AGPAT4: variants seen among roughly 807,000 people sequenced by gnomAD.
AGPAT4 encodes 1-acylglycerol-3-phosphate O-acyltransferase 4.
AGPAT4 carries 15 observed loss-of-function variants against 48.0 expected under a neutral mutation model. That is an observed-to-expected ratio of 0.31 (90% CI 0.21 to 0.48). The LOEUF (loss-of-function observed/expected upper bound fraction) is 0.48. Ranked by LOEUF, AGPAT4 falls within the 20% of genes least tolerant of loss-of-function variation. AGPAT4 has a pLI of 0.99. For missense variants in AGPAT4, 314 were observed against 482.5 expected (o/e 0.65, Z 3.27); for synonymous variants, 178 against 198.7 (o/e 0.90, Z 0.88).
rs1199723279 is a variant in AGPAT4, at chr6:161,272,839, C to G, written c.-90+1099G>C. On this transcript the variant is annotated intron_variant, in intron 1 of 8. Coordinates refer to ENST00000320285, the MANE Select transcript of AGPAT4 (RefSeq NM_020133.3). The surrounding 1 kb of genome is among the most constrained non-coding windows in gnomAD (Gnocchi z 4.2). Reference sequence around the variant, plus strand: ...CACAGTTTTGAAAAAGTCTAGCAACCCTCACCTTGAAGAGAGTGAATAGCG... The same window carrying G: ...CACAGTTTTGAAAAAGTCTAGCAACGCTCACCTTGAAGAGAGTGAATAGCG... Among the ~76,000 whole-genome samples the G allele has an allele frequency of 6.6e-6, 1 of 152,108 alleles. No homozygotes were observed. The highest frequency in any genetic ancestry group is 1.5e-5 in the Non-Finnish European group (1 of 68,038).
At chr6:161,273,160 T>C (rs1398546307) in intron 1 of AGPAT4, among the ~76,000 whole-genome samples, 1 of 152,208 alleles carries the variant, frequency 6.6e-6, no homozygotes, top group African/African-American at 2.4e-5. Context: ...TCTTAAGAAG[T>C]GTTTAGGTTT....
rs1168953497 is a variant in AGPAT4, at chr6:161,131,964, G to C, written c.*4576C>G. ...CTGGAAACACTCAACCTAAGCCCTG[G>C]ATGCAGGAGGCAGGGATGCTGAGGA... On this transcript the variant is annotated 3_prime_UTR_variant, in exon 9 of 9. Transcript: ENST00000320285. 6.6e-6 allele frequency: 1 copy of C among 152,386 alleles called. No homozygotes were observed. Among genetic ancestry groups the C allele is most frequent in the Non-Finnish European group, 1.5e-5 (1 of 68,110 alleles). The allele number at this position is 152,386 out of a possible 1,614,324, so 9.4% of individuals were successfully genotyped here. A position where few individuals can be genotyped will look rare whatever the true frequency, so the allele number is the denominator to read the frequency against.
intron 1 of AGPAT4, among the ~76,000 whole-genome samples, chr6:161,247,608 T>G (rs918415682): frequency 6.6e-6 from 1 of 152,158 alleles, no homozygotes; most frequent in African/African-American, 2.4e-5. Context: ...TCATACTGAA[T>G]GGGCAAAAGC....
intron 2 of AGPAT4, among the ~76,000 whole-genome samples, chr6:161,167,561 T>C (rs1352894321): frequency 6.6e-6 from 1 of 152,152 alleles, no homozygotes; most frequent in Non-Finnish European, 1.5e-5. Context: ...TAGTGAAGCA[T>C]GCATGCAGCA....
intron 2 of AGPAT4, among the ~76,000 whole-genome samples, chr6:161,227,053 C>G (rs996634419): frequency 4.6e-5 from 7 of 152,178 alleles, no homozygotes; most frequent in African/African-American, 1.4e-4. Flanking sequence ...TCAGGCCTCA[C>G]CTAGCAGGTC....
intron 2 of AGPAT4, among the ~76,000 whole-genome samples, chr6:161,227,893 T>TA (rs11393542): frequency 1 from 152,266 of 152,266 alleles, 76,133 homozygotes; most frequent in Non-Finnish European, 1. Context: ...TGAAAGGAAG[T>TA]AACAACTTCC....
chr6:161,186,871 A>T (rs1283086839), intron 2 of AGPAT4, among the ~76,000 whole-genome samples: 2 of 152,122 alleles, frequency 1.3e-5, no homozygotes, highest in Non-Finnish European at 2.9e-5. Flanking sequence ...TTTCTAAAGG[A>T]TGTCCAGCCT....
chr6:161,169,748 A>T lies in AGPAT4; in HGVS notation c.179-3331T>A, dbSNP rs1402271444. On this transcript the variant is annotated intron_variant, in intron 2 of 8. Coordinates refer to ENST00000320285, the MANE Select transcript of AGPAT4 (RefSeq NM_020133.3). This position sits in a 1 kb window ranked among gnomAD's most constrained non-coding sequence, Gnocchi z 5.0. ...AGAAGTATGTACAAGAAAATATAAA[A>T]TTCCTCTAACTAGCTTCAGGATGTG... Among the ~76,000 whole-genome samples, 1 of 152,198 alleles carries T rather than the reference A, an allele frequency of 6.6e-6. No individual in the cohort carries two copies. The highest frequency in any genetic ancestry group is 2.1e-4 in the South Asian group (1 of 4,832).
intron 4 of AGPAT4, 67 bp from the exon 5 acceptor site, chr6:161,153,566 G>C: frequency 6.4e-7 from 1 of 1,562,726 alleles, no homozygotes; most frequent in Non-Finnish European, 8.7e-7. Flanking sequence ...GTCATGCATG[G>C]CCCTGGGGTC....
chr6:161,162,642 C>T (rs935900410), intron 3 of AGPAT4, among the ~76,000 whole-genome samples: 1 of 152,152 alleles, frequency 6.6e-6, no homozygotes, highest in African/African-American at 2.4e-5. Context: ...TGTTTTAAGC[C>T]GCTATGTTTT....
At chr6:161,256,683 G>A (rs1782953299) in intron 1 of AGPAT4, among the ~76,000 whole-genome samples, 1 of 152,194 alleles carries the variant, frequency 6.6e-6, no homozygotes, top group Admixed American at 6.5e-5. Context: ...CCTGCAGCCT[G>A]TACACAGTCG....
In AGPAT4 at chr6:161,212,556, T is replaced by C. The variant is rs541936944; in HGVS notation, c.178+19480A>G. Among the ~76,000 whole-genome samples, 2 of 152,348 alleles carry C rather than the reference T, an allele frequency of 1.3e-5. No homozygotes were observed. The highest frequency in any genetic ancestry group is 3.9e-4 in the East Asian group (2 of 5,190). Reference sequence around the variant, plus strand: ...ATGGTGTTTGGTTTCCTTTAGGTTGTATTTGTATAAATATGTTATTGGTAT... The same window carrying C: ...ATGGTGTTTGGTTTCCTTTAGGTTGCATTTGTATAAATATGTTATTGGTAT... On this transcript the variant is annotated intron_variant, in intron 2 of 8. Transcript: ENST00000320285. This position sits in a 1 kb window ranked among gnomAD's most constrained non-coding sequence, Gnocchi z 6.1.
chr6:161,239,924 A>C (rs1457142320), intron 1 of AGPAT4, among the ~76,000 whole-genome samples: 2 of 152,194 alleles, frequency 1.3e-5, no homozygotes, highest in African/African-American at 4.8e-5. Context: ...GACAAAATTA[A>C]CTTTCAGAAA....
chr6:161,144,304 G>T lies in AGPAT4; in HGVS notation c.843+2220C>A. 2.3e-6 allele frequency: 1 copy of T among 440,396 alleles called. No individual in the cohort carries two copies. Among genetic ancestry groups the T allele is most frequent in the Non-Finnish European group, 4.7e-6 (1 of 212,726 alleles). The allele number at this position is 440,396 out of a possible 1,614,324, so 27.3% of individuals were successfully genotyped here. A position where few individuals can be genotyped will look rare whatever the true frequency, so the allele number is the denominator to read the frequency against. On this transcript the variant is annotated intron_variant, in intron 7 of 8. Transcript: ENST00000320285. This position sits in a 1 kb window ranked among gnomAD's most constrained non-coding sequence, Gnocchi z 6.6. ...AGAAAGGGCCTGGACTCCAGCACCT[G>T]GCTTTGATCAGTGAGCTGGAAAACT...
In AGPAT4 at chr6:161,178,446, A is replaced by T. The variant is rs1780490200; in HGVS notation, c.179-12029T>A. Among the ~76,000 whole-genome samples the T allele has an allele frequency of 6.6e-6, 1 of 152,216 alleles. No individual in the cohort carries two copies. Among genetic ancestry groups the T allele is most frequent in the Non-Finnish European group, 1.5e-5 (1 of 68,042 alleles). ...CCCTCTGAGCCAGACACGGGATATA[A>T]TCTCCTGGTGTGCCATTTGCTAAGA... is the stretch of plus-strand genomic sequence containing the variant. On this transcript the variant is annotated intron_variant, in intron 2 of 8. Coordinates refer to ENST00000320285, the MANE Select transcript of AGPAT4 (RefSeq NM_020133.3). The surrounding 1 kb of genome is among the most constrained non-coding windows in gnomAD (Gnocchi z 5.1).
At position 161,171,658 on chromosome 6, in the gene AGPAT4, G is replaced by A. The variant is rs539076803; in HGVS notation, c.179-5241C>T. Reference sequence around the variant, plus strand: ...TAATTCCAGCACTTTGGAAGGCCAAGGCAGGCAGATCACAAGGTCAGGAGA... The same window carrying A: ...TAATTCCAGCACTTTGGAAGGCCAAAGCAGGCAGATCACAAGGTCAGGAGA... On this transcript the variant is annotated intron_variant, in intron 2 of 8. Transcript: ENST00000320285. The surrounding 1 kb of genome is among the most constrained non-coding windows in gnomAD (Gnocchi z 4.4). 1.3e-4 allele frequency among the ~76,000 whole-genome samples: 20 copies of A among 152,156 alleles called. 1 individual carries two copies. The South Asian group carries it at 3.9e-3, about 30-fold the overall frequency.
At position 161,235,596 on chromosome 6, in the gene AGPAT4, A is replaced by G. The variant is rs1467133085; in HGVS notation, c.-89-3294T>C. ...TAAAGAAAAGAGGTTTAATTGGCTCATGGTTCTGCAGGCTGTACAGAAAGC... is the reference window on the plus strand; with the variant it reads ...TAAAGAAAAGAGGTTTAATTGGCTCGTGGTTCTGCAGGCTGTACAGAAAGC... On this transcript the variant is annotated intron_variant, in intron 1 of 8. Coordinates refer to ENST00000320285, the MANE Select transcript of AGPAT4 (RefSeq NM_020133.3). This position sits in a 1 kb window ranked among gnomAD's most constrained non-coding sequence, Gnocchi z 6.2. 6.6e-6 allele frequency among the ~76,000 whole-genome samples: 1 copy of G among 152,222 alleles called. No homozygotes were observed. The highest frequency in any genetic ancestry group is 2.4e-5 in the African/African-American group (1 of 41,444).
At chr6:161,273,849 A>T (rs1307981478) in intron 1 of AGPAT4, 89 bp downstream of exon 1, 1 of 117,238 alleles carries the variant, frequency 8.5e-6, no homozygotes, top group African/African-American at 3.3e-5. Context: ...AATCCAGCCC[A>T]GGAGAGAAAA....
Position 161,235,170 on chromosome 6 carries a change from T to C in AGPAT4, c.-89-2868A>G, listed in dbSNP as rs889821173. On this transcript the variant is annotated intron_variant, in intron 1 of 8. Transcript: ENST00000320285. This position sits in a 1 kb window ranked among gnomAD's most constrained non-coding sequence, Gnocchi z 6.2. ...TGCCCTGTCTCTTATTAGTTGTGTATTGGTACCCTATTTTGGGCACATTAA... is the reference window on the plus strand; with the variant it reads ...TGCCCTGTCTCTTATTAGTTGTGTACTGGTACCCTATTTTGGGCACATTAA... Among the ~76,000 whole-genome samples, 1 of 152,166 alleles carries C rather than the reference T, an allele frequency of 6.6e-6. No individual in the cohort carries two copies. The highest frequency in any genetic ancestry group is 1.5e-5 in the Non-Finnish European group (1 of 68,034).
Sources: allele counts gnomAD v4.1 joint callset (sites outside exome capture counted in the v4.1 genomes callset), GRCh38; gene constraint gnomAD v4.1.1; non-coding constraint Gnocchi (gnomAD v3.1); transcripts MANE v1.5; gene names NCBI Gene and HGNC (gene_info 2026-07-23, HGNC 2026-07-21).